CACNB2: variants seen among roughly 807,000 people sequenced by gnomAD.
CACNB2 encodes the protein voltage-dependent L-type calcium channel subunit beta-2.
A neutral mutation model predicts 73.3 loss-of-function variants in CACNB2; 42 were observed. The observed-to-expected ratio is 0.57, with a 90% CI of 0.45 to 0.74. The LOEUF (loss-of-function observed/expected upper bound fraction) is 0.74. Ranked by LOEUF, CACNB2 falls within the 30% of genes least tolerant of loss-of-function variation. The pLI, the probability that CACNB2 is intolerant of heterozygous loss-of-function variation, is 0.00. For synonymous variants in CACNB2, 348 were observed against 310.3 expected, an observed-to-expected ratio of 1.12 and a Z score of -1.28; for missense variants, 940 against 853.0, an observed-to-expected ratio of 1.10 and a Z score of -1.27.
At chr10:18,149,579 T>A (rs1337098465) in intron 1 of CACNB2, among the ~76,000 whole-genome samples, 1 of 152,198 alleles carries the variant, frequency 6.6e-6, no homozygotes, top group Non-Finnish European at 1.5e-5. Flanking sequence ...ATAACGCAAA[T>A]GTTTGTAATA....
chr10:18,388,278 C>G (rs561567997), intron 2 of CACNB2, among the ~76,000 whole-genome samples: 1 of 152,116 alleles, frequency 6.6e-6, no homozygotes, highest in Non-Finnish European at 1.5e-5. Flanking sequence ...TTTTATTAAA[C>G]GTTCTGAATA....
At chr10:18,382,789 T>G (rs150738818) in intron 2 of CACNB2, among the ~76,000 whole-genome samples, 1 of 152,192 alleles carries the variant, frequency 6.6e-6, no homozygotes, top group African/African-American at 2.4e-5. Context: ...CAGTCCATCA[T>G]TGATGGACAT....
intron 2 of CACNB2, among the ~76,000 whole-genome samples, chr10:18,191,673 A>G (rs969444486): frequency 2.0e-5 from 3 of 152,176 alleles, no homozygotes; most frequent in African/African-American, 7.2e-5. Context: ...CCCACATATC[A>G]GTGAGAACAT....
intron 2 of CACNB2, among the ~76,000 whole-genome samples, chr10:18,333,532 A>T (rs2040884668): frequency 6.6e-6 from 1 of 151,312 alleles, no homozygotes; most frequent in Non-Finnish European, 1.5e-5. Flanking sequence ...TTGTTTTTTT[A>T]CTATGGCATG....
chr10:18,241,439 T>C (rs948929521), intron 2 of CACNB2, among the ~76,000 whole-genome samples: 4 of 151,590 alleles, frequency 2.6e-5, no homozygotes, highest in African/African-American at 9.7e-5. Context: ...TGTCACGAGG[T>C]GGGAGGCTAG....
chr10:18,471,172 G>A (rs983648719), intron 3 of CACNB2, among the ~76,000 whole-genome samples: 1 of 152,144 alleles, frequency 6.6e-6, no homozygotes, highest in African/African-American at 2.4e-5. Flanking sequence ...TGGGCATGGT[G>A]GCGGGTGCCT....
chr10:18,482,816 G>T (rs1252683281), intron 3 of CACNB2, among the ~76,000 whole-genome samples: 2 of 151,802 alleles, frequency 1.3e-5, no homozygotes, highest in Non-Finnish European at 2.9e-5. Context: ...CAGGCCTGGG[G>T]TATCTTTATT....
chr10:18,315,478 A>G (rs1329238640), intron 2 of CACNB2, among the ~76,000 whole-genome samples: 1 of 148,170 alleles, frequency 6.7e-6, no homozygotes, highest in Non-Finnish European at 1.5e-5. Flanking sequence ...CTGGGCAGCA[A>G]AAAGAGACCT....
intron 2 of CACNB2, among the ~76,000 whole-genome samples, chr10:18,267,742 G>T (rs572965459): frequency 3.9e-5 from 6 of 152,362 alleles, no homozygotes; most frequent in African/African-American, 1.4e-4. Context: ...GCTTGTTGGT[G>T]CATGTTCAGG....
chr10:18,491,819 TAAAAAAAAAAA>T (rs68179779), intron 3 of CACNB2, among the ~76,000 whole-genome samples: 6,004 of 65,784 alleles, frequency 0.091, 324 homozygotes, highest in African/African-American at 0.19. Context: ...TCAAGTTGGT[TAAAAAAAAAAA>T]AAAAAAAAAA....
chr10:18,258,289 G>T (rs768661938), intron 2 of CACNB2, among the ~76,000 whole-genome samples: 1 of 152,132 alleles, frequency 6.6e-6, no homozygotes, highest in Non-Finnish European at 1.5e-5. Flanking sequence ...AATGTTAAGT[G>T]AATTCCAAAT....
Position 18,394,400 on chromosome 10 carries a change from A to G in CACNB2, c.214-7524A>G, listed in dbSNP as rs186100597. Among the ~76,000 whole-genome samples the G allele has an allele frequency of 7.9e-5, 12 of 152,322 alleles. No homozygotes were observed. The East Asian group carries it at 2.3e-3, about 29-fold the overall frequency. On this transcript the variant is annotated intron_variant, in intron 2 of 13. Coordinates refer to ENST00000324631, the MANE Select transcript of CACNB2 (RefSeq NM_201596.3). The stretch of plus-strand genomic sequence containing the variant: ...CTATACCTATGACCAACAAACAGAA[A>G]AAACATATGCTTTTGATTAACAAAA...
At chr10:18,262,060 T>G in intron 2 of CACNB2, 1 of 518,298 alleles carries the variant, frequency 1.9e-6, no homozygotes, top group Non-Finnish European at 3.9e-6. Context: ...CAGGAAGGGT[T>G]GTAAAAGGGA....
At chr10:18,427,276 A>G (rs555054208) in intron 3 of CACNB2, among the ~76,000 whole-genome samples, 1 of 152,180 alleles carries the variant, frequency 6.6e-6, no homozygotes, top group Non-Finnish European at 1.5e-5. Context: ...AAATTTTATT[A>G]ATAGATTTTC....
intron 2 of CACNB2, among the ~76,000 whole-genome samples, chr10:18,269,048 T>A (rs2037935792): frequency 6.6e-6 from 1 of 152,174 alleles, no homozygotes; most frequent in South Asian, 2.1e-4. Flanking sequence ...GGGTTAGGGT[T>A]AAGTCCTTTG....
chr10:18,513,506 T>C, intron 6 of CACNB2: 1 of 318,336 alleles, frequency 3.1e-6, no homozygotes, highest in East Asian at 9.8e-5. Context: ...TTTGCAAAGC[T>C]TCGTGAACCA....
intron 2 of CACNB2, among the ~76,000 whole-genome samples, chr10:18,257,996 G>A (rs1286712701): frequency 6.6e-6 from 1 of 152,050 alleles, no homozygotes; most frequent in Non-Finnish European, 1.5e-5. Flanking sequence ...TGCCCACCTG[G>A]GCCTCCCAAA....
At chr10:18,492,883 G>T (rs918153172) in intron 3 of CACNB2, among the ~76,000 whole-genome samples, 7 of 152,074 alleles carry the variant, frequency 4.6e-5, no homozygotes, top group Admixed American at 2.0e-4. Context: ...TAAATACAGA[G>T]AAATATTTAC....
intron 2 of CACNB2, among the ~76,000 whole-genome samples, chr10:18,220,232 T>TGGGGG (rs2035719332): frequency 4.0e-5 from 1 of 25,084 alleles, no homozygotes; most frequent in African/African-American, 2.4e-4. Context: ...TATATATATA[T>TGGGGG]AGAGAGAGAG....
Sources: allele counts gnomAD v4.1 joint callset (sites outside exome capture counted in the v4.1 genomes callset), GRCh38; gene constraint gnomAD v4.1.1; transcripts MANE v1.5; gene names NCBI Gene and HGNC (gene_info 2026-07-23, HGNC 2026-07-21).